The following MINDY2 variants were observed in gnomAD, a reference collection of about 807,000 sequenced individuals.
MINDY2 encodes the protein MINDY lysine 48 deubiquitinase 2, also known as ubiquitin carboxyl-terminal hydrolase MINDY-2.
MINDY2 carries 52 observed loss-of-function variants against 68.2 expected under a neutral mutation model. The ratio of observed to expected loss-of-function variants is 0.76; its 90% CI spans 0.61 to 0.96. The LOEUF (loss-of-function observed/expected upper bound fraction) is 0.96, where lower values mean the gene tolerates loss of function less well. MINDY2 is among the 40% of genes least tolerant of loss of function. MINDY2 has a pLI of 0.00. For synonymous variants in MINDY2, 372 were observed against 303.0 expected, an observed-to-expected ratio of 1.23 and a Z score of -2.36; for missense variants, 881 against 773.4, an observed-to-expected ratio of 1.14 and a Z score of -1.65.
chr15:58,813,926 C>A (rs1708284331), intron 4 of MINDY2, among the ~76,000 whole-genome samples: 1 of 136,332 alleles, frequency 7.3e-6, no homozygotes, highest in Admixed American at 7.9e-5. Flanking sequence ...TTTTAACTTG[C>A]ATTTCTTTTT....
intron 1 of MINDY2, among the ~76,000 whole-genome samples, chr15:58,776,713 A>G (rs1416872278): frequency 6.6e-6 from 1 of 152,094 alleles, no homozygotes; most frequent in Non-Finnish European, 1.5e-5. Flanking sequence ...AAATACAGAG[A>G]CAAGGTCACG....
chr15:58,821,845 C>A, intron 5 of MINDY2, 26 bp downstream of exon 5: 1 of 1,466,754 alleles, frequency 6.8e-7, no homozygotes, highest in Non-Finnish European at 9.3e-7. Context: ...TATTTCCTGA[C>A]TTTTGAAATT....
chr15:58,838,733 G>A (rs2032129033), intron 6 of MINDY2, among the ~76,000 whole-genome samples: 1 of 151,364 alleles, frequency 6.6e-6, no homozygotes, highest in Non-Finnish European at 1.5e-5. Flanking sequence ...ATTACAGGCG[G>A]GTACCACCAC....
chr15:58,790,587 GT>G lies in MINDY2; in HGVS notation c.898+2625del, dbSNP rs200199753. ...GCATTTATGTTGACAATAGACCTTA[GT>G]GGGGGGTAAGACAAGTGGGAAAACT... On this transcript the variant is annotated intron_variant, in intron 2 of 8. Transcript: ENST00000559228. 1.1e-4 allele frequency among the ~76,000 whole-genome samples: 6 copies of G among 56,888 alleles called. No homozygotes were observed. In the South Asian group the frequency reaches 2.3e-3, roughly 22 times the overall value. 37.3% of individuals were successfully genotyped at this position (56,888 alleles called of 152,430 possible).
chr15:58,778,810 CTT>C (rs1182523003), intron 1 of MINDY2, among the ~76,000 whole-genome samples: 19,863 of 113,726 alleles, frequency 0.17, 1,242 homozygotes, highest in East Asian at 0.42. Flanking sequence ...TTCTTTTTTT[CTT>C]TTTTTTTTTT....
chr15:58,836,502 C>T (rs2032000338), intron 6 of MINDY2, among the ~76,000 whole-genome samples: 1 of 152,094 alleles, frequency 6.6e-6, no homozygotes, highest in Non-Finnish European at 1.5e-5. Flanking sequence ...TATTTATGCC[C>T]CATTACAATT....
intron 2 of MINDY2, among the ~76,000 whole-genome samples, chr15:58,795,428 C>T (rs573044520): frequency 1.3e-5 from 2 of 151,982 alleles, no homozygotes; most frequent in South Asian, 2.1e-4. Flanking sequence ...TTTTTTGAGA[C>T]GGAGTCTTGC....
chr15:58,854,691 A>G lies in MINDY2; in HGVS notation c.*81A>G, dbSNP rs1289170967. ...AGGAAAGGAAGAAAAACCGATCAAT[A>G]CCGTCTGTGCCTGATTTCCTAATGG... On this transcript the variant is annotated 3_prime_UTR_variant, in exon 9 of 9. Coordinates refer to ENST00000559228, the MANE Select transcript of MINDY2 (RefSeq NM_001040450.3). 6.8e-7 allele frequency: 1 copy of G among 1,468,596 alleles called. No homozygotes were observed. Among genetic ancestry groups the G allele is most frequent in the Non-Finnish European group, 9.1e-7 (1 of 1,100,272 alleles). 91.0% of individuals were successfully genotyped at this position (1,468,596 alleles called of 1,614,324 possible).
At chr15:58,822,409 G>A (rs1595750969) in intron 5 of MINDY2, among the ~76,000 whole-genome samples, 1 of 152,216 alleles carries the variant, frequency 6.6e-6, no homozygotes, top group African/African-American at 2.4e-5. Context: ...GTACCCAGAG[G>A]TTACTGATAA....
intron 5 of MINDY2, among the ~76,000 whole-genome samples, chr15:58,826,774 G>A (rs1323664790): frequency 1.3e-5 from 2 of 151,596 alleles, no homozygotes; most frequent in Non-Finnish European, 2.9e-5. Flanking sequence ...TTTCAATGGA[G>A]GCTCCAATTA....
At position 58,860,739 on chromosome 15, in the gene MINDY2, T is replaced by C. The variant is rs2033197138; in HGVS notation, c.*6129T>C. 1 of 152,228 alleles carries C rather than the reference T, an allele frequency of 6.6e-6. No homozygotes were observed. The highest frequency in any genetic ancestry group is 6.5e-5 in the Admixed American group (1 of 15,276). The allele number at this position is 152,228 out of a possible 1,614,324, so 9.4% of individuals were successfully genotyped here. ...TTTAATGAACCTTACATTGTGAACA[T>C]AATTGCAACATGTTTTAAGACAAAC... On this transcript the variant is annotated 3_prime_UTR_variant, in exon 9 of 9. Coordinates refer to ENST00000559228, the MANE Select transcript of MINDY2 (RefSeq NM_001040450.3).
intron 6 of MINDY2, among the ~76,000 whole-genome samples, chr15:58,843,443 A>C (rs1297821074): frequency 6.6e-6 from 1 of 152,090 alleles, no homozygotes; most frequent in Admixed American, 6.5e-5. Context: ...GAGCCACCAC[A>C]CCCGACCTAG....
At chr15:58,798,559 G>A (rs573824443) in intron 2 of MINDY2, among the ~76,000 whole-genome samples, 1 of 151,016 alleles carries the variant, frequency 6.6e-6, no homozygotes, top group African/African-American at 2.4e-5. Context: ...GGGTTCAAGC[G>A]ATTATCTCAC....
chr15:58,784,991 C>G (rs564827321), intron 1 of MINDY2, among the ~76,000 whole-genome samples: 1 of 151,964 alleles, frequency 6.6e-6, no homozygotes, highest in African/African-American at 2.4e-5. Context: ...ACTGCCACAA[C>G]TGTTAATTCT....
chr15:58,801,827 T>A (rs1902682167), intron 2 of MINDY2, among the ~76,000 whole-genome samples: 1 of 151,886 alleles, frequency 6.6e-6, no homozygotes, highest in South Asian at 2.1e-4. Flanking sequence ...TTTAGTAGAG[T>A]TGGCCAGGCT....
chr15:58,852,304 A>AAAAAAAAAAAAAAAC (rs1279623917), intron 8 of MINDY2, among the ~76,000 whole-genome samples: 1 of 150,586 alleles, frequency 6.6e-6, no homozygotes, highest in African/African-American at 2.4e-5. Context: ...AAAAAAAAAA[A>AAAAAAAAAAAAAAAC]AGATGATCAC....
chr15:58,844,731 A>G (rs1008890707), intron 6 of MINDY2, among the ~76,000 whole-genome samples: 3 of 151,846 alleles, frequency 2.0e-5, no homozygotes, highest in South Asian at 4.2e-4. Context: ...AGCCTGGCCA[A>G]CATGGTGAAA....
In MINDY2 at chr15:58,847,311, G is replaced by C. The variant is rs1222128875; in HGVS notation, c.1383G>C (p.Leu461Phe). 1 of 1,576,292 alleles carries C rather than the reference G, an allele frequency of 6.3e-7. No homozygotes were observed. The highest frequency in any genetic ancestry group is 2.3e-5 in the East Asian group (1 of 43,992). The change falls in exon 7 of 9, where the codon TTG becomes TTC. Residue 461 changes from leucine (L) to phenylalanine (F), a missense_variant. Leu to Phe is a conservative substitution (Grantham distance 22). Transcript: ENST00000559228. ...TTCTTATTAAGGGTCAACTGTATTT[G>C]TTGGTAACGGACCAGGGGTTTCTTA... ...TMTKYKGQLYLLVTDQGFLTE... is the reference protein window; with the variant it reads ...TMTKYKGQLYFLVTDQGFLTE...
At chr15:58,787,139 A>AG (rs1901556036) in intron 1 of MINDY2, among the ~76,000 whole-genome samples, 1 of 77,132 alleles carries the variant, frequency 1.3e-5, no homozygotes, top group Admixed American at 1.5e-4. Flanking sequence ...CCATTTCTTT[A>AG]CTTTTTTTTT....
Sources: gnomAD v4.1 joint callset for allele counts (sites outside exome capture counted in the v4.1 genomes callset) on GRCh38, gnomAD v4.1.1 for gene constraint, MANE v1.5 for transcripts, NCBI Gene and HGNC (gene_info 2026-07-23, HGNC 2026-07-21) for gene names.